Variants in WNT9B observed in about 807,000 individuals in gnomAD.
WNT9B encodes protein Wnt-9b.
In WNT9B, 12 loss-of-function variants were observed where a neutral mutation model predicts 30.2. The ratio of observed to expected loss-of-function variants is 0.40; its 90% CI spans 0.26 to 0.64. The LOEUF is 0.64. Among genes scored for constraint, WNT9B ranks in the 30% least tolerant of loss-of-function variants. WNT9B has a pLI of 0.42. For synonymous variants in WNT9B, 218 were observed against 216.9 expected, an observed-to-expected ratio of 1.01 and a Z score of -0.05; for missense variants, 442 against 485.2, an observed-to-expected ratio of 0.91 and a Z score of 0.84.
At chr17:46,845,819 C>T (rs575428589) in intron 1 of WNT9B, among the ~76,000 whole-genome samples, 80 of 118,664 alleles carry the variant, frequency 6.7e-4, no homozygotes, top group African/African-American at 2.4e-3. Context: ...GAGATCAAAT[C>T]TCGTTCTGTC....
At chr17:46,884,091 C>T (rs955310892), downstream of WNT9B, among the ~76,000 whole-genome samples, 8 of 152,100 alleles carry the variant, frequency 5.3e-5, no homozygotes, top group Non-Finnish European at 1.0e-4. Context: ...ATTCCTGCCC[C>T]CACGTCTCAA....
At chr17:46,876,183 G>C in intron 3 of WNT9B, 62 bp from the exon 4 acceptor site, 1 of 1,472,800 alleles carries the variant, frequency 6.8e-7, no homozygotes, top group Non-Finnish European at 9.1e-7. Context: ...GGTGCTCTGG[G>C]GGCAGGCTCT....
chr17:46,871,557 G>A (rs74672539), intron 1 of WNT9B, among the ~76,000 whole-genome samples: 3,642 of 152,256 alleles, frequency 0.024, 55 homozygotes, highest in Non-Finnish European at 0.037. Context: ...CAGCTAGCAG[G>A]AAGGTAGGCC....
In WNT9B at chr17:46,877,006, G is replaced by T. The variant is rs190040093; in HGVS notation, c.*288G>T. The T allele has an allele frequency of 6.9e-5, 85 of 1,240,636 alleles. 1 individual carries two copies. The African/African-American group carries it at 1.2e-3, about 17-fold the overall frequency. The allele number at this position is 1,240,636 out of a possible 1,614,324, so 76.9% of individuals were successfully genotyped here. On this transcript the variant is annotated 3_prime_UTR_variant, in exon 4 of 4. Coordinates refer to ENST00000290015, the MANE Select transcript of WNT9B (RefSeq NM_003396.3). ...GAAAGACATGGAGGGAAATAAGGGAGACCAAGAGCACAGCAGGACTGAAAT... is the reference window on the plus strand; with the variant it reads ...GAAAGACATGGAGGGAAATAAGGGATACCAAGAGCACAGCAGGACTGAAAT...
At chr17:46,874,853 G>A (rs2085316815) in intron 2 of WNT9B, 1 of 626,754 alleles carries the variant, frequency 1.6e-6, no homozygotes, top group Non-Finnish European at 2.9e-6. Context: ...GCTGGGATTA[G>A]GGGCACGAGC....
At position 46,878,914 on chromosome 17, in the gene WNT9B, T is replaced by C. The variant is rs1015258027; in HGVS notation, c.*2196T>C. On this transcript the variant is annotated 3_prime_UTR_variant, in exon 4 of 4. Coordinates refer to ENST00000290015, the MANE Select transcript of WNT9B (RefSeq NM_003396.3). ...TCTGAGGGCTCCTTGGCTTGTGGGG[T>C]CTTCTCTGTCTGTCTCTCTCCCTCT... 6.6e-6 allele frequency among the ~76,000 whole-genome samples: 1 copy of C among 152,036 alleles called. No homozygotes were observed. The highest frequency in any genetic ancestry group is 1.5e-5 in the Non-Finnish European group (1 of 67,994).
downstream of WNT9B, chr17:46,885,011 G>A (rs776672621): frequency 2.3e-5 from 10 of 430,214 alleles, no homozygotes; most frequent in East Asian, 1.5e-4. Flanking sequence ...TTTTTTAGAC[G>A]AAGTCTTGTT....
At chr17:46,871,733 C>T (rs368953231) in intron 1 of WNT9B, among the ~76,000 whole-genome samples, 7 of 152,180 alleles carry the variant, frequency 4.6e-5, no homozygotes, top group African/African-American at 9.7e-5. Flanking sequence ...GCTCCAGAAT[C>T]GATGAACTTT....
At chr17:46,868,482 G>A (rs2085180086) in intron 1 of WNT9B, among the ~76,000 whole-genome samples, 1 of 152,108 alleles carries the variant, frequency 6.6e-6, no homozygotes, top group South Asian at 2.1e-4. Flanking sequence ...CATAATCCCA[G>A]CTACTCGGGA....
intron 1 of WNT9B, among the ~76,000 whole-genome samples, chr17:46,864,285 T>C (rs1022597207): frequency 6.6e-6 from 1 of 152,272 alleles, no homozygotes; most frequent in African/African-American, 2.4e-5. Context: ...GTTTCAGCCA[T>C]GATTTGCCTT....
rs985393821 is a variant in WNT9B, at chr17:46,877,343, T to A, written c.*625T>A. 6.6e-6 allele frequency among the ~76,000 whole-genome samples: 1 copy of A among 152,074 alleles called. No individual in the cohort carries two copies. The highest frequency in any genetic ancestry group is 6.5e-5 in the Admixed American group (1 of 15,272). On this transcript the variant is annotated 3_prime_UTR_variant, in exon 4 of 4. Coordinates refer to ENST00000290015, the MANE Select transcript of WNT9B (RefSeq NM_003396.3). ...CTTTCTGTGCTTGAGTGGACCCGAG[T>A]GAGATCTGTGCCCTGGAGCCCTGTG...
chr17:46,852,388 CAGTGTGTGTG>C (rs1457500630), intron 1 of WNT9B, among the ~76,000 whole-genome samples: 9 of 101,236 alleles, frequency 8.9e-5, no homozygotes, highest in Non-Finnish European at 1.4e-4. Context: ...TGAGAGGGCC[CAGTGTGTGTG>C]TGTGTGTGTG....
downstream of WNT9B, among the ~76,000 whole-genome samples, chr17:46,883,500 G>C (rs530870868): frequency 9.0e-4 from 137 of 151,548 alleles, no homozygotes; most frequent in African/African-American, 3.1e-3. Flanking sequence ...GGCCAGGCTG[G>C]TCTTGAACTC....
In WNT9B at chr17:46,867,262, A is replaced by T. The variant is rs545340335; in HGVS notation, c.78-5255A>T. ...AGATGCTCACTAATGACAAATACTT[A>T]TCTGGAGCTTACTGTGTGCTCACTG... On this transcript the variant is annotated intron_variant, in intron 1 of 3. Transcript: ENST00000290015. Among the ~76,000 whole-genome samples, 10 of 152,354 alleles carry T rather than the reference A, an allele frequency of 6.6e-5. No homozygotes were observed. The South Asian group carries it at 2.1e-3, about 32-fold the overall frequency.
rs145939422 is a variant in WNT9B at position 46,876,346 on chromosome 17, G to T, written c.702G>T (p.Thr234=). ...CWKQLSPFRE[T]GQVLKLRYDS... ...AGCAGCTCTCCCCGTTCCGTGAGAC[G>T]GGCCAGGTGCTGAAACTGCGCTATG... Residue 234 remains threonine, a synonymous_variant, in exon 4 of 4, where the codon ACG becomes ACT. Transcript: ENST00000290015. 1 of 1,614,000 alleles carries T rather than the reference G, an allele frequency of 6.2e-7. No homozygotes were observed. Among genetic ancestry groups the T allele is most frequent in the Non-Finnish European group, 8.5e-7 (1 of 1,180,050 alleles).
chr17:46,865,223 G>A (rs1598853198), intron 1 of WNT9B, among the ~76,000 whole-genome samples: 1 of 152,172 alleles, frequency 6.6e-6, no homozygotes, highest in Admixed American at 6.5e-5. Flanking sequence ...TCTAAATGCC[G>A]GGGATTGTTG....
chr17:46,849,849 C>CTTTTTT (rs761797393), upstream of WNT9B, among the ~76,000 whole-genome samples: 10 of 145,746 alleles, frequency 6.9e-5, no homozygotes, highest in African/African-American at 5.1e-5. Context: ...CATTTAATAT[C>CTTTTTT]TTTTTTTTTT....
intron 1 of WNT9B, among the ~76,000 whole-genome samples, chr17:46,870,904 CTTTTTTT>C (rs144277402): frequency 5.4e-4 from 42 of 78,388 alleles, no homozygotes; most frequent in Admixed American, 4.2e-3. Flanking sequence ...TCCACCTTTG[CTTTTTTT>C]TTTTTTTTTT....
intron 1 of WNT9B, among the ~76,000 whole-genome samples, chr17:46,858,181 C>T (rs543128138): frequency 3.7e-4 from 56 of 152,326 alleles, no homozygotes; most frequent in African/African-American, 1.2e-3. Context: ...CCACCCACCT[C>T]GGCCTCCCAA....
Sources: allele counts gnomAD v4.1 joint callset (sites outside exome capture counted in the v4.1 genomes callset), GRCh38; gene constraint gnomAD v4.1.1; transcripts MANE v1.5; gene names NCBI Gene and HGNC (gene_info 2026-07-23, HGNC 2026-07-21).